The following BRWD3 variants were observed in gnomAD, a reference collection of about 807,000 sequenced individuals.
BRWD3 encodes the protein bromodomain and WD repeat domain containing 3.
In BRWD3, 10 loss-of-function variants were observed where a neutral mutation model predicts 149.7. The observed-to-expected ratio is 0.07, with a 90% CI of 0.04 to 0.11. The LOEUF is 0.11. Among genes scored for constraint, BRWD3 ranks in the 10% least tolerant of loss-of-function variants. The probability of loss-of-function intolerance (pLI) is 1.00; values close to 1 mark genes in which losing one functional copy is unlikely to be tolerated. For missense variants in BRWD3, 940 were observed against 1,373.2 expected (o/e 0.68, Z 4.99); for synonymous variants, 504 against 456.7 (o/e 1.10, Z -1.32).
chrX:80,720,949 A>C (rs932908158), intron 17 of BRWD3, among the ~76,000 whole-genome samples: 12 of 112,366 alleles, frequency 1.1e-4, no homozygotes, highest in African/African-American at 3.9e-4. Flanking sequence ...GCCTAAGAAC[A>C]ACTAGCTATG....
At chrX:80,758,982 T>C (rs2073774287) in intron 6 of BRWD3, among the ~76,000 whole-genome samples, 1 of 111,617 alleles carries the variant, frequency 9.0e-6, no homozygotes, top group South Asian at 3.7e-4. Context: ...TAAATATTAT[T>C]GTGGTTACTT....
chrX:80,724,869 A>G, intron 15 of BRWD3, 64 bp downstream of exon 15: 2 of 1,162,460 alleles, frequency 1.7e-6, no homozygotes, highest in Non-Finnish European at 2.3e-6. Flanking sequence ...ACTTTAATTA[A>G]CCAAGTTATT....
In BRWD3 at chrX:80,676,493, G is replaced by A; in HGVS notation, c.*116C>T. 1 of 905,985 alleles carries A rather than the reference G, an allele frequency of 1.1e-6. No homozygotes were observed. Among genetic ancestry groups the A allele is most frequent in the Non-Finnish European group, 1.6e-6 (1 of 643,078 alleles). 74.7% of individuals were successfully genotyped at this position (905,985 alleles called of 1,213,427 possible). On this transcript the variant is annotated 3_prime_UTR_variant, in exon 41 of 41. Coordinates refer to ENST00000373275, the MANE Select transcript of BRWD3 (RefSeq NM_153252.5). Reference sequence around the variant, plus strand: ...AATGTATACTGGCATAAATGGAAAAGCACCAATGTGAAAGGAAGCAGAAGT... The same window carrying A: ...AATGTATACTGGCATAAATGGAAAAACACCAATGTGAAAGGAAGCAGAAGT...
At chrX:80,707,731 T>C (rs1433704918) in intron 21 of BRWD3, among the ~76,000 whole-genome samples, 1 of 112,160 alleles carries the variant, frequency 8.9e-6, no homozygotes, top group African/African-American at 3.2e-5. Context: ...AAAACATCTT[T>C]TTGTGATTTC....
At chrX:80,792,011 T>A in intron 5 of BRWD3, 59 bp from the exon 6 acceptor site, 1 of 723,852 alleles carries the variant, frequency 1.4e-6, no homozygotes, top group Non-Finnish European at 2.1e-6. Context: ...TAACCATGTC[T>A]CAGAAGCAAA....
At chrX:80,678,842 G>A (rs1464066096) in intron 40 of BRWD3, among the ~76,000 whole-genome samples, 1 of 111,447 alleles carries the variant, frequency 9.0e-6, no homozygotes, top group African/African-American at 3.3e-5. Context: ...ATTCATATGT[G>A]GAAGCCCTAA....
chrX:80,733,601 T>C, intron 11 of BRWD3, 105 bp from the exon 12 acceptor site: 1 of 629,540 alleles, frequency 1.6e-6, no homozygotes, highest in Non-Finnish European at 2.5e-6. Context: ...AGTAGTTTTT[T>C]TTTTTTTTAA....
In BRWD3 at chrX:80,713,074, T is replaced by G. The variant is rs1204205269; in HGVS notation, c.2325+3083A>C. On this transcript the variant is annotated intron_variant, in intron 20 of 40. Coordinates refer to ENST00000373275, the MANE Select transcript of BRWD3 (RefSeq NM_153252.5). ...CCCGTCTGGGAGGGAGTTGGGGGGG[T>G]CAGCCCCCTGCCCGGCCAGCCGCCC... Among the ~76,000 whole-genome samples, 5 of 97,908 alleles carry G rather than the reference T, an allele frequency of 5.1e-5. No individual in the cohort carries two copies. The East Asian group carries it at 1.7e-3, about 32-fold the overall frequency. 85.0% of individuals were successfully genotyped at this position (97,908 alleles called of 115,157 possible).
intron 6 of BRWD3, among the ~76,000 whole-genome samples, chrX:80,778,319 C>T (rs748325584): frequency 8.9e-6 from 1 of 112,022 alleles, no homozygotes; most frequent in African/African-American, 3.2e-5. Flanking sequence ...CTGTAACCAA[C>T]TTCAAGACAA....
chrX:80,709,282 T>C (rs917405629), intron 21 of BRWD3, 146 bp downstream of exon 21: 1 of 423,865 alleles, frequency 2.4e-6, no homozygotes, highest in Non-Finnish European at 3.8e-6. Context: ...CAAATATACC[T>C]ACTAAATGTA....
chrX:80,681,442 G>T lies in BRWD3; in HGVS notation c.4553C>A (p.Pro1518Gln), dbSNP rs1365305675. 96 of 1,206,630 alleles carry T rather than the reference G, an allele frequency of 8.0e-5. No homozygotes were observed. The highest frequency in any genetic ancestry group is 1.0e-4 in the Non-Finnish European group (92 of 892,888). Residue 1518 changes from proline (P) to glutamine (Q), a missense_variant, in exon 40 of 41, where the codon CCA becomes CAA. Physicochemically the swap from Pro to Gln is moderately conservative, Grantham distance 76. Transcript: ENST00000373275. ...LYLLDDEPDG[P>Q]FSSSSFGGYS... The stretch of plus-strand genomic sequence containing the variant: ...TCCACCGAAGCTCGATGAAGAAAAT[G>T]GCCCATCTGGCTCATCATCAAGTAG...
At chrX:80,722,368 T>C (rs1209744955) in intron 17 of BRWD3, among the ~76,000 whole-genome samples, 194 bp downstream of exon 17, 2 of 111,567 alleles carry the variant, frequency 1.8e-5, no homozygotes, top group Admixed American at 1.9e-4. Flanking sequence ...AACCCACTTA[T>C]CTGTGTCCAG....
chrX:80,721,757 A>C (rs971506492), intron 17 of BRWD3, among the ~76,000 whole-genome samples: 1 of 111,979 alleles, frequency 8.9e-6, no homozygotes, highest in Non-Finnish European at 1.9e-5. Context: ...TGTTATTTAA[A>C]TAGTCACATC....
rs1395151264 is a variant in BRWD3, at chrX:80,717,739, C to G, written c.2065G>C (p.Asp689His). ...VNGALRSPNM[D>H]ISSSPNIRLR... ...CTGATGTTTGGGGAAGAAGATATGT[C>G]CATGTTTGGACTTCTCAGAGCTAAA... The change falls in exon 19 of 41, where the codon GAC (aspartate) becomes CAC (histidine). Residue 689 changes from aspartate to histidine, a missense_variant. Coordinates refer to ENST00000373275, the MANE Select transcript of BRWD3 (RefSeq NM_153252.5). The G allele has an allele frequency of 4.9e-5, 59 of 1,209,203 alleles. No homozygotes were observed. The highest frequency in any genetic ancestry group is 6.1e-5 in the Non-Finnish European group (55 of 894,641).
Position 80,691,750 on chromosome X carries a change from G to A in BRWD3, c.3481+73C>T, listed in dbSNP as rs1343884169. ...ACAGTGAGAAACTGCATATCCTTCTGTAGAACTTAAAACTTCTGCTGATTT... is the reference window on the plus strand; with the variant it reads ...ACAGTGAGAAACTGCATATCCTTCTATAGAACTTAAAACTTCTGCTGATTT... On this transcript the variant is annotated intron_variant, in intron 30 of 40. Coordinates refer to ENST00000373275, the MANE Select transcript of BRWD3 (RefSeq NM_153252.5). 3.5e-6 allele frequency: 4 copies of A among 1,142,858 alleles called. No homozygotes were observed. In the East Asian group the frequency reaches 1.2e-4, roughly 34 times the overall value. 94.2% of individuals were successfully genotyped at this position (1,142,858 alleles called of 1,213,427 possible).
chrX:80,727,064 C>CAAGATCA (rs2073261444), intron 14 of BRWD3, among the ~76,000 whole-genome samples: 1 of 109,236 alleles, frequency 9.2e-6, no homozygotes, highest in Admixed American at 9.8e-5. Flanking sequence ...TACATAGTTA[C>CAAGATCA]TAGATCATGG....
chrX:80,804,947 T>C (rs767261433), intron 4 of BRWD3, among the ~76,000 whole-genome samples: 109 of 111,637 alleles, frequency 9.8e-4, no homozygotes, highest in Non-Finnish European at 1.6e-3. Context: ...AAATTTAGAG[T>C]GTTATATTTT....
At chrX:80,748,782 C>G (rs1460921447) in intron 6 of BRWD3, among the ~76,000 whole-genome samples, 1 of 111,296 alleles carries the variant, frequency 9.0e-6, no homozygotes, top group Non-Finnish European at 1.9e-5. Context: ...TAAGGTTGGG[C>G]ATACTTTGTT....
At chrX:80,680,969 CTTTTTTTTT>C (rs904634410) in intron 40 of BRWD3, among the ~76,000 whole-genome samples, 5 of 74,752 alleles carry the variant, frequency 6.7e-5, no homozygotes, top group Non-Finnish European at 1.3e-4. Context: ...CATGTGGCTA[CTTTTTTTTT>C]TTTTTTTTTT....
Sources: allele counts gnomAD v4.1 joint callset (sites outside exome capture counted in the v4.1 genomes callset), GRCh38; gene constraint gnomAD v4.1.1; transcripts MANE v1.5; gene names NCBI Gene and HGNC (gene_info 2026-07-23, HGNC 2026-07-21).